Variants in PEBP4 observed in about 807,000 individuals in gnomAD.
The protein encoded by PEBP4 is phosphatidylethanolamine binding protein 4, also known as phosphatidylethanolamine-binding protein 4.
PEBP4 carries 22 observed loss-of-function variants against 23.9 expected under a neutral mutation model. The observed-to-expected ratio is 0.92, with a 90% confidence interval of 0.66 to 1.31. The LOEUF (loss-of-function observed/expected upper bound fraction) is 1.31. PEBP4 is among the 40% of genes most tolerant of loss of function. The pLI is 0.00. For synonymous variants in PEBP4, 112 were observed against 99.3 expected, an observed-to-expected ratio of 1.13 and a Z score of -0.76; for missense variants, 324 against 281.7, an observed-to-expected ratio of 1.15 and a Z score of -1.07.
At chr8:22,924,863 G>T in intron 2 of PEBP4, 1 of 985,376 alleles carries the variant, frequency 1.0e-6, no homozygotes. Flanking sequence ...TCTGATTCCC[G>T]AGAAGCGTTA....
At chr8:22,929,822 C>T (rs1004736152), upstream of PEBP4, among the ~76,000 whole-genome samples, 3 of 152,190 alleles carry the variant, frequency 2.0e-5, no homozygotes, top group Non-Finnish European at 4.4e-5. Context: ...GATTCTCCTG[C>T]CACAGCCTCT....
intron 6 of PEBP4, among the ~76,000 whole-genome samples, chr8:22,721,309 G>T (rs1180568432): frequency 6.6e-6 from 1 of 152,078 alleles, no homozygotes; most frequent in African/African-American, 2.4e-5. Context: ...CCAGGGAGGG[G>T]AGGTCACCTG....
intron 4 of PEBP4, among the ~76,000 whole-genome samples, chr8:22,810,360 T>G (rs949416003): frequency 6.6e-6 from 1 of 152,120 alleles, no homozygotes; most frequent in Admixed American, 6.5e-5. Flanking sequence ...CAGATAGAAC[T>G]TTCTAAGACC....
intron 3 of PEBP4, among the ~76,000 whole-genome samples, chr8:22,858,706 G>C (rs1172052411): frequency 6.6e-6 from 1 of 152,202 alleles, no homozygotes; most frequent in African/African-American, 2.4e-5. Flanking sequence ...CAGCACTTTG[G>C]GAGGCCGAGG....
chr8:22,937,806 G>A (rs988691184), intron 1 of PEBP4, among the ~76,000 whole-genome samples: 2 of 150,398 alleles, frequency 1.3e-5, no homozygotes, highest in East Asian at 3.9e-4. Context: ...GTATGTGTGT[G>A]TGTGTGTGTG....
At chr8:22,891,638 T>C (rs188490489) in intron 3 of PEBP4, among the ~76,000 whole-genome samples, 195 of 152,334 alleles carry the variant, frequency 1.3e-3, no homozygotes, top group African/African-American at 4.3e-3. Context: ...CTCAGAGAGA[T>C]AGCTAAAGCC....
rs186707959 is a variant in PEBP4, at chr8:22,882,986, A to G, written c.258+37198T>C. ...TTTCCCTAGTTCCCTCTGCCTCCCA[A>G]CCGAGCCTGGGGTATCCCCCATGTG... On this transcript the variant is annotated intron_variant, in intron 3 of 6. Transcript: ENST00000256404. Among the ~76,000 whole-genome samples, 7 of 152,064 alleles carry G rather than the reference A, an allele frequency of 4.6e-5. No individual in the cohort carries two copies. In the East Asian group the frequency reaches 5.8e-4, roughly 13 times the overall value.
chr8:22,739,185 G>A (rs192292901), intron 4 of PEBP4, among the ~76,000 whole-genome samples: 302 of 140,552 alleles, frequency 2.1e-3, no homozygotes, highest in Middle Eastern at 3.6e-3. Flanking sequence ...GGAGGCAGTC[G>A]ACCAAGAGGC....
chr8:22,717,293 TC>T (rs1377584019), intron 6 of PEBP4, among the ~76,000 whole-genome samples: 1 of 152,164 alleles, frequency 6.6e-6, no homozygotes, highest in East Asian at 1.9e-4. Context: ...TGCCTGGGCC[TC>T]CCAAAGTGCT....
chr8:22,753,873 G>T (rs563127134), intron 4 of PEBP4, among the ~76,000 whole-genome samples: 1 of 152,232 alleles, frequency 6.6e-6, no homozygotes, highest in African/African-American at 2.4e-5. Context: ...ACAGCTGTGC[G>T]GGGAACAGAG....
intron 3 of PEBP4, among the ~76,000 whole-genome samples, chr8:22,833,745 TC>T (rs577413920): frequency 1.4e-3 from 211 of 152,340 alleles, no homozygotes; most frequent in African/African-American, 4.9e-3. Context: ...GGCAATGGTC[TC>T]ACCCCTGCCT....
intron 4 of PEBP4, among the ~76,000 whole-genome samples, chr8:22,791,307 C>T (rs917890742): frequency 6.6e-6 from 1 of 152,114 alleles, no homozygotes; most frequent in African/African-American, 2.4e-5. Context: ...TTTCCTCACC[C>T]GCAAATGGTA....
chr8:22,750,291 G>A (rs955414844), intron 4 of PEBP4, among the ~76,000 whole-genome samples: 2 of 151,828 alleles, frequency 1.3e-5, no homozygotes, highest in South Asian at 2.1e-4. Flanking sequence ...TAGTAGAGAC[G>A]GGGTTTCACC....
chr8:22,738,319 G>C (rs967120827), intron 4 of PEBP4, among the ~76,000 whole-genome samples: 1 of 152,154 alleles, frequency 6.6e-6, no homozygotes, highest in Non-Finnish European at 1.5e-5. Context: ...TCAGGAGAGC[G>C]AGTCAGAGGT....
chr8:22,861,281 G>A (rs1325496435), intron 3 of PEBP4, among the ~76,000 whole-genome samples: 6 of 152,184 alleles, frequency 3.9e-5, no homozygotes, highest in Non-Finnish European at 4.4e-5. Context: ...CCCTATTACA[G>A]CTAATAATAA....
intron 4 of PEBP4, among the ~76,000 whole-genome samples, chr8:22,810,974 T>A (rs568865096): frequency 6.6e-6 from 1 of 152,130 alleles, no homozygotes; most frequent in South Asian, 2.1e-4. Flanking sequence ...AGCCTCTCTA[T>A]ACACGCTTGC....
intron 3 of PEBP4, among the ~76,000 whole-genome samples, chr8:22,869,666 T>C (rs55917053): frequency 0.35 from 52,647 of 152,020 alleles, 9,876 homozygotes; most frequent in South Asian, 0.61. Context: ...TACTTGATAA[T>C]GGACTGGGAT....
At chr8:22,897,296 C>T (rs1471495563) in intron 3 of PEBP4, among the ~76,000 whole-genome samples, 1 of 152,152 alleles carries the variant, frequency 6.6e-6, no homozygotes, top group Non-Finnish European at 1.5e-5. Flanking sequence ...CACCACACTG[C>T]AACGGGATGT....
At chr8:22,741,696 G>A (rs1804998792) in intron 4 of PEBP4, among the ~76,000 whole-genome samples, 1 of 152,194 alleles carries the variant, frequency 6.6e-6, no homozygotes, top group South Asian at 2.1e-4. Context: ...ACAGGTGGTG[G>A]GAAGGTTTGT....
Sources: gnomAD v4.1 joint callset for allele counts (sites outside exome capture counted in the v4.1 genomes callset) on GRCh38, gnomAD v4.1.1 for gene constraint, MANE v1.5 for transcripts, NCBI Gene and HGNC (gene_info 2026-07-23, HGNC 2026-07-21) for gene names.